Variants in CYFIP2 observed in about 807,000 individuals in gnomAD.
The protein encoded by CYFIP2 is cytoplasmic FMR1-interacting protein 2.
A neutral mutation model predicts 158.7 loss-of-function variants in CYFIP2; 29 were observed. The observed-to-expected ratio is 0.18, with a 90% CI of 0.14 to 0.25. The LOEUF is 0.25. Among genes scored for constraint, CYFIP2 ranks in the 10% least tolerant of loss-of-function variants. The pLI is 1.00. For synonymous variants in CYFIP2, 585 were observed against 617.6 expected, an observed-to-expected ratio of 0.95 and a Z score of 0.78; for missense variants, 852 against 1,639.5, an observed-to-expected ratio of 0.52 and a Z score of 8.29.
intron 27 of CYFIP2, 46 bp from the exon 28 acceptor site, chr5:157,383,219 C>A: frequency 6.4e-7 from 1 of 1,568,906 alleles, no homozygotes; most frequent in Non-Finnish European, 8.7e-7. Context: ...CCCAGTTGCC[C>A]TGTGTTCCCT....
intron 24 of CYFIP2, 85 bp downstream of exon 24, chr5:157,359,233 G>A (rs1763630025): frequency 1.3e-6 from 2 of 1,532,732 alleles, no homozygotes; most frequent in Non-Finnish European, 8.9e-7. Flanking sequence ...TACCTGGCCT[G>A]TAAAAACAAA....
At chr5:157,377,990 G>C (rs964680789) in intron 26 of CYFIP2, among the ~76,000 whole-genome samples, 1 of 152,182 alleles carries the variant, frequency 6.6e-6, no homozygotes, top group Admixed American at 6.5e-5. Context: ...AAAAGCTCTG[G>C]TAAGTTTTTA....
intron 3 of CYFIP2, among the ~76,000 whole-genome samples, chr5:157,293,350 C>A (rs957806106): frequency 6.6e-6 from 1 of 152,166 alleles, no homozygotes; most frequent in Non-Finnish European, 1.5e-5. Context: ...ACCACTGCGC[C>A]CAGCCTTGAG....
intron 21 of CYFIP2, among the ~76,000 whole-genome samples, chr5:157,334,062 C>T (rs12656549): frequency 0.43 from 65,005 of 152,076 alleles, 16,151 homozygotes; most frequent in African/African-American, 0.7. Flanking sequence ...ATTTCAGTGC[C>T]TTCAAAAGCG....
At chr5:157,321,199 C>CA (rs1760564777) in intron 15 of CYFIP2, among the ~76,000 whole-genome samples, 1 of 152,260 alleles carries the variant, frequency 6.6e-6, no homozygotes, top group Non-Finnish European at 1.5e-5. Context: ...TGCTGCCCCT[C>CA]TTTAATAAGT....
intron 4 of CYFIP2, among the ~76,000 whole-genome samples, chr5:157,295,594 A>G (rs1758189274): frequency 6.6e-6 from 1 of 152,246 alleles, no homozygotes; most frequent in African/African-American, 2.4e-5. Context: ...GTTTCACTTA[A>G]TAAAAATGGG....
intron 5 of CYFIP2, among the ~76,000 whole-genome samples, chr5:157,299,947 G>A (rs964725948): frequency 6.6e-6 from 1 of 152,060 alleles, no homozygotes; most frequent in Admixed American, 6.5e-5. Flanking sequence ...ATTCCTGAAG[G>A]CAGAATTTGC....
At chr5:157,349,867 C>G (rs182876732) in intron 23 of CYFIP2, among the ~76,000 whole-genome samples, 1 of 152,110 alleles carries the variant, frequency 6.6e-6, no homozygotes, top group Non-Finnish European at 1.5e-5. Context: ...TGATCATTAG[C>G]GATGCTGAGC....
intron 6 of CYFIP2, among the ~76,000 whole-genome samples, chr5:157,301,448 C>T (rs1340326639): frequency 6.6e-6 from 1 of 152,178 alleles, no homozygotes; most frequent in Non-Finnish European, 1.5e-5. Context: ...GCAGCAATCC[C>T]AGCTTCTAAG....
chr5:157,347,972 C>T (rs986649333), intron 23 of CYFIP2, among the ~76,000 whole-genome samples: 42 of 152,220 alleles, frequency 2.8e-4, no homozygotes, highest in African/African-American at 8.9e-4. Context: ...CCAGTGCAGC[C>T]GTTTGTGAAG....
At chr5:157,386,886 C>T (rs904860487) in intron 28 of CYFIP2, among the ~76,000 whole-genome samples, 1 of 149,064 alleles carries the variant, frequency 6.7e-6, no homozygotes, top group Non-Finnish European at 1.5e-5. Flanking sequence ...CGCCACTGCA[C>T]TCTGGCCTGG....
At chr5:157,355,643 A>G (rs1763360487) in intron 23 of CYFIP2, among the ~76,000 whole-genome samples, 2 of 152,230 alleles carry the variant, frequency 1.3e-5, no homozygotes, top group South Asian at 4.1e-4. Flanking sequence ...AGAGAATCAG[A>G]CAGAAAATAT....
At chr5:157,335,036 T>C (rs988358244) in intron 21 of CYFIP2, among the ~76,000 whole-genome samples, 5 of 152,204 alleles carry the variant, frequency 3.3e-5, no homozygotes, top group African/African-American at 9.6e-5. Context: ...TTAAATAAAG[T>C]TGGTTTTTAT....
At chr5:157,330,985 GT>G (rs907814977) in intron 20 of CYFIP2, 135 bp downstream of exon 20, 20 of 665,160 alleles carry the variant, frequency 3.0e-5, no homozygotes, top group Non-Finnish European at 4.7e-5. Context: ...GAGCCTGGGT[GT>G]AGCACAGCCT....
At chr5:157,289,056 T>C (rs1416976210) in intron 3 of CYFIP2, among the ~76,000 whole-genome samples, 3 of 152,242 alleles carry the variant, frequency 2.0e-5, no homozygotes, top group Admixed American at 2.0e-4. Context: ...GGGATCATTA[T>C]ATCCATTTTA....
At chr5:157,344,010 T>C (rs1762494944) in intron 23 of CYFIP2, among the ~76,000 whole-genome samples, 1 of 152,188 alleles carries the variant, frequency 6.6e-6, no homozygotes, top group African/African-American at 2.4e-5. Flanking sequence ...TACTGTGAGC[T>C]CAGTGATCTA....
At chr5:157,321,193 G>T (rs1324808249) in intron 15 of CYFIP2, among the ~76,000 whole-genome samples, 1 of 152,200 alleles carries the variant, frequency 6.6e-6, no homozygotes, top group Non-Finnish European at 1.5e-5. Flanking sequence ...CATCTATGCT[G>T]CCCCTCTTTA....
chr5:157,284,307 C>A (rs977360452), intron 1 of CYFIP2, among the ~76,000 whole-genome samples: 1 of 152,088 alleles, frequency 6.6e-6, no homozygotes, highest in East Asian at 1.9e-4. Context: ...TTCTAAAGAT[C>A]TTATCATTTC....
At chr5:157,384,687 C>T (rs952191856) in intron 28 of CYFIP2, 2 of 357,616 alleles carry the variant, frequency 5.6e-6, no homozygotes, top group East Asian at 7.4e-5. Flanking sequence ...CACCTGTAAT[C>T]CCAGCACTTT....
Sources: allele counts gnomAD v4.1 joint callset (sites outside exome capture counted in the v4.1 genomes callset), GRCh38; gene constraint gnomAD v4.1.1; transcripts MANE v1.5; gene names NCBI Gene and HGNC (gene_info 2026-07-23, HGNC 2026-07-21).